Variants in SNX8 observed in about 807,000 individuals in gnomAD.
SNX8 encodes the protein sorting nexin 8.
SNX8 carries 25 observed loss-of-function variants against 51.6 expected under a neutral mutation model. The observed-to-expected ratio is 0.48, with a 90% CI of 0.35 to 0.68. The LOEUF is 0.68. Among genes scored for constraint, SNX8 ranks in the 30% least tolerant of loss-of-function variants. The pLI is 0.00. For synonymous variants in SNX8, 324 were observed against 277.0 expected, an observed-to-expected ratio of 1.17 and a Z score of -1.68; for missense variants, 695 against 624.0, an observed-to-expected ratio of 1.11 and a Z score of -1.21.
chr7:2,285,558 A>C (rs1377042714), intron 1 of SNX8, among the ~76,000 whole-genome samples: 1 of 152,218 alleles, frequency 6.6e-6, no homozygotes, highest in Admixed American at 6.6e-5. Context: ...AACATGGAGA[A>C]ATAGAGATGC....
chr7:2,331,948 G>A (rs1483703842), intron 1 of SNX8, among the ~76,000 whole-genome samples: 1 of 151,902 alleles, frequency 6.6e-6, no homozygotes, highest in Non-Finnish European at 1.5e-5. Flanking sequence ...GCTCAGTCCT[G>A]CAATCCCAGC....
rs1292363571 is a variant in SNX8 at position 2,323,341 on chromosome 7, A to AC, written c.-66+30880_-66+30881insG. ...TGAGAGTCTGTCTCAAAAAAAAAAA[A>AC]AAAAAAAACAACCAAACAAACAAAA... On this transcript the variant is annotated intron_variant, in intron 1 of 5. Coordinates refer to the SNX8 transcript ENST00000435336. 2.0e-5 allele frequency among the ~76,000 whole-genome samples: 3 copies of AC among 151,518 alleles called. No homozygotes were observed. The East Asian group carries it at 5.8e-4, about 29-fold the overall frequency.
intron 1 of SNX8, among the ~76,000 whole-genome samples, chr7:2,304,763 C>T (rs968083245): frequency 2.0e-5 from 3 of 152,156 alleles, no homozygotes; most frequent in Non-Finnish European, 4.4e-5. Context: ...ACTGCACACA[C>T]AGAGACACTC....
chr7:2,335,038 A>G (rs541610932), intron 1 of SNX8, among the ~76,000 whole-genome samples: 191 of 151,876 alleles, frequency 1.3e-3, no homozygotes, highest in African/African-American at 4.3e-3. Flanking sequence ...TCTACTAAGA[A>G]TACATAAATT....
rs1367360150 is a variant in SNX8 at position 2,252,396 on chromosome 7, A to ACAGGGC, written c.*2654_*2659dup. 2 of 152,518 alleles carry ACAGGGC rather than the reference A, an allele frequency of 1.3e-5. No individual in the cohort carries two copies. Among genetic ancestry groups the ACAGGGC allele is most frequent in the African/African-American group, 4.8e-5 (2 of 41,466 alleles). The allele number at this position is 152,518 out of a possible 1,614,324, so 9.4% of individuals were successfully genotyped here. ...GAGCCTGGGGACCTGCCCGGGCAGC[A>ACAGGGC]CAGGGCCAGGGCCAAGAAGTATTTG... On this transcript the variant is annotated 3_prime_UTR_variant, in exon 11 of 11. Coordinates refer to ENST00000222990, the MANE Select transcript of SNX8 (RefSeq NM_013321.4).
rs200238079 is a variant in SNX8, at chr7:2,329,324, T to TA, written c.-66+24897dup. ...AAAATAAATAAATAAAAATAAAATT[T>TA]AAAAAAAAGGTAATGCCTAATGCTT... On this transcript the variant is annotated intron_variant, in intron 1 of 5. Transcript: ENST00000435336. Among the ~76,000 whole-genome samples, 842 of 151,434 alleles carry TA rather than the reference T, an allele frequency of 5.6e-3. 5 individuals are homozygous for TA. Among genetic ancestry groups the TA allele is most frequent in the African/African-American group, 0.015 (638 of 41,378 alleles).
chr7:2,274,791 G>A (rs557425276), intron 3 of SNX8, among the ~76,000 whole-genome samples: 1 of 152,286 alleles, frequency 6.6e-6, no homozygotes, highest in African/African-American at 2.4e-5. Context: ...CCTCTCGGGA[G>A]CTCTCGGGAG....
rs190454634 is a variant in SNX8 at position 2,254,005 on chromosome 7, G to C, written c.*1051C>G. 2.6e-5 allele frequency: 4 copies of C among 152,470 alleles called. No individual in the cohort carries two copies. Among genetic ancestry groups the C allele is most frequent in the Non-Finnish European group, 5.9e-5 (4 of 68,280 alleles). The allele number at this position is 152,470 out of a possible 1,614,324, so 9.4% of individuals were successfully genotyped here. On this transcript the variant is annotated 3_prime_UTR_variant, in exon 11 of 11. Coordinates refer to ENST00000222990, the MANE Select transcript of SNX8 (RefSeq NM_013321.4). ...CACAAAAGGGGTTCGGGCAGAAGCA[G>C]ACCCAGGCCTGAGGCGGACAGTCCA... is the stretch of plus-strand genomic sequence containing the variant.
At chr7:2,275,373 G>C (rs2398667) in intron 2 of SNX8, 144 bp from the exon 3 acceptor site, 626,816 of 675,914 alleles carry the variant, frequency 0.93, 291,738 homozygotes, top group Non-Finnish European at 0.96. Context: ...CCCTGTGACG[G>C]CTTCGTATAT....
At chr7:2,353,106 C>G (rs1583134863) in intron 1 of SNX8, among the ~76,000 whole-genome samples, 1 of 152,240 alleles carries the variant, frequency 6.6e-6, no homozygotes, top group East Asian at 1.9e-4. Context: ...CCAGCCTGGG[C>G]AACACAGTGA....
intron 7 of SNX8, 62 bp from the exon 8 acceptor site, chr7:2,257,865 A>T: frequency 6.7e-7 from 1 of 1,497,422 alleles, no homozygotes; most frequent in Non-Finnish European, 9.3e-7. Context: ...CTGCCCGGGA[A>T]CTCAGACCCA....
At chr7:2,334,869 G>GAAAAAA (rs71023399) in intron 1 of SNX8, among the ~76,000 whole-genome samples, 1 of 80,112 alleles carries the variant, frequency 1.2e-5, no homozygotes, top group Non-Finnish European at 2.3e-5. Context: ...GCCCATCTCT[G>GAAAAAA]AAAAAAAAAA....
At chr7:2,309,419 G>T (rs1452644367) in intron 1 of SNX8, among the ~76,000 whole-genome samples, 2 of 151,758 alleles carry the variant, frequency 1.3e-5, no homozygotes, top group African/African-American at 4.8e-5. Context: ...CCAGCTACTG[G>T]GGAGGCTGAG....
intron 1 of SNX8, among the ~76,000 whole-genome samples, chr7:2,347,491 AAAAAAAAAG>A (rs1779054017): frequency 1.0e-5 from 1 of 95,912 alleles, no homozygotes. Context: ...AAAAAAAAAA[AAAAAAAAAG>A]AAAAAAAAAA....
chr7:2,319,138 A>G (rs1796797083), upstream of SNX8, among the ~76,000 whole-genome samples: 1 of 151,584 alleles, frequency 6.6e-6, no homozygotes, highest in Non-Finnish European at 1.5e-5. Context: ...CAGAAGTTCA[A>G]GACCAGCCTG....
chr7:2,311,194 T>C (rs1796651040), intron 1 of SNX8, among the ~76,000 whole-genome samples: 1 of 152,044 alleles, frequency 6.6e-6, no homozygotes, highest in African/African-American at 2.4e-5. Flanking sequence ...TGCAGGAGAT[T>C]TCACAGTTCC....
chr7:2,263,991 G>A (rs1473928703), intron 6 of SNX8, among the ~76,000 whole-genome samples: 1 of 152,138 alleles, frequency 6.6e-6, no homozygotes, highest in Non-Finnish European at 1.5e-5. Context: ...TGGGATTACA[G>A]GTGTGAGCCA....
At chr7:2,351,166 G>A (rs918228841) in intron 1 of SNX8, among the ~76,000 whole-genome samples, 2 of 151,970 alleles carry the variant, frequency 1.3e-5, no homozygotes, top group African/African-American at 2.4e-5. Context: ...CACAGGCCAC[G>A]CTGCAGGTCA....
At chr7:2,263,084 G>A (rs1037398944) in intron 7 of SNX8, 146 bp downstream of exon 7, 76 of 982,116 alleles carry the variant, frequency 7.7e-5, no homozygotes, top group Admixed American at 1.1e-4. Flanking sequence ...GCGCCTTTGC[G>A]CTCCAGCCTG....
Sources: gnomAD v4.1 joint callset for allele counts (sites outside exome capture counted in the v4.1 genomes callset) on GRCh38, gnomAD v4.1.1 for gene constraint, MANE v1.5 for transcripts, NCBI Gene and HGNC (gene_info 2026-07-23, HGNC 2026-07-21) for gene names.